Variants in BMP2K observed in about 807,000 individuals in gnomAD.
BMP2K encodes the protein BMP-2-inducible protein kinase.
A neutral mutation model predicts 116.0 loss-of-function variants in BMP2K; 74 were observed. That is an observed-to-expected ratio of 0.64 (90% CI 0.53 to 0.77). The LOEUF (loss-of-function observed/expected upper bound fraction) is 0.77, where lower values mean the gene tolerates loss of function less well. BMP2K is among the 30% of genes least tolerant of loss of function. The pLI, the probability that BMP2K is intolerant of heterozygous loss-of-function variation, is 0.00. For synonymous variants in BMP2K, 486 were observed against 502.5 expected (o/e 0.97, Z 0.44); for missense variants, 1,365 against 1,403.6 (o/e 0.97, Z 0.44).
intron 15 of BMP2K, among the ~76,000 whole-genome samples, chr4:78,894,083 A>T (rs536565690): frequency 6.6e-6 from 1 of 152,350 alleles, no homozygotes; most frequent in South Asian, 2.1e-4. Context: ...ACTATGCTGG[A>T]AACAGATGTG....
intron 12 of BMP2K, 75 bp from the exon 13 acceptor site, chr4:78,872,539 A>G (rs1003793738): frequency 4.0e-5 from 54 of 1,349,724 alleles, no homozygotes; most frequent in African/African-American, 5.8e-5. Flanking sequence ...AGGAAGGAAC[A>G]TAGTAAATAG....
rs146197646 is a variant in BMP2K at position 78,830,051 on chromosome 4, A to G, written c.298-3531A>G. 9.0e-3 allele frequency among the ~76,000 whole-genome samples: 1,357 copies of G among 151,516 alleles called. 27 individuals carry two copies. The highest frequency in any genetic ancestry group is 0.031 in the African/African-American group (1,272 of 41,266). The stretch of plus-strand genomic sequence containing the variant: ...CACCATACCTGGCTAATTTTTTTGT[A>G]TTTTTAGTAGAGTCGGGGTTTCACC... On this transcript the variant is annotated intron_variant, in intron 2 of 15. Transcript: ENST00000502613.
intron 10 of BMP2K, among the ~76,000 whole-genome samples, chr4:78,867,204 A>C (rs1041742106): frequency 1.3e-5 from 2 of 152,054 alleles, no homozygotes; most frequent in African/African-American, 4.8e-5. Flanking sequence ...AAAAAAAGCA[A>C]GAGGTGTTAT....
chr4:78,816,825 G>T (rs1016079685), intron 1 of BMP2K, among the ~76,000 whole-genome samples: 1 of 152,156 alleles, frequency 6.6e-6, no homozygotes, highest in Non-Finnish European at 1.5e-5. Context: ...ATTATTCATC[G>T]TGTATTTACT....
At chr4:78,799,079 CAG>C (rs1185074875) in intron 1 of BMP2K, among the ~76,000 whole-genome samples, 2 of 152,152 alleles carry the variant, frequency 1.3e-5, no homozygotes, top group East Asian at 1.9e-4. Context: ...TCTGAAAAGA[CAG>C]GGCAACAGTG....
At chr4:78,816,641 G>A (rs1729364917) in intron 1 of BMP2K, among the ~76,000 whole-genome samples, 1 of 152,188 alleles carries the variant, frequency 6.6e-6, no homozygotes, top group Non-Finnish European at 1.5e-5. Context: ...CCTGAGAGAT[G>A]TTCACTAAGT....
intron 14 of BMP2K, among the ~76,000 whole-genome samples, chr4:78,880,322 T>C (rs1013416358): frequency 6.6e-6 from 1 of 152,216 alleles, no homozygotes; most frequent in African/African-American, 2.4e-5. Context: ...TCCACCCACC[T>C]CGGCCTCCCA....
At chr4:78,879,044 C>G (rs778968716) in intron 14 of BMP2K, 153 bp downstream of exon 14, 67 of 1,422,004 alleles carry the variant, frequency 4.7e-5, no homozygotes, top group Non-Finnish European at 5.8e-5. Context: ...CATATACTAT[C>G]AAATTATGTT....
At chr4:78,781,424 AT>A (rs139447702) in intron 1 of BMP2K, among the ~76,000 whole-genome samples, 1,638 of 140,068 alleles carry the variant, frequency 0.012, 12 homozygotes, top group African/African-American at 0.027. Context: ...GAAGGAACAG[AT>A]TTTTTTTTTT....
intron 2 of BMP2K, among the ~76,000 whole-genome samples, chr4:78,827,966 A>T (rs1162524639): frequency 6.6e-6 from 1 of 152,180 alleles, no homozygotes; most frequent in African/African-American, 2.4e-5. Context: ...GTCCAGTAGA[A>T]TCCAGCAGCA....
intron 9 of BMP2K, among the ~76,000 whole-genome samples, chr4:78,865,097 G>GT (rs1257355530): frequency 6.6e-6 from 1 of 152,104 alleles, no homozygotes; most frequent in Non-Finnish European, 1.5e-5. Context: ...GGCTTATTTT[G>GT]TTTAACGTGC....
At chr4:78,807,628 A>G (rs1407562661) in intron 1 of BMP2K, among the ~76,000 whole-genome samples, 4 of 150,312 alleles carry the variant, frequency 2.7e-5, no homozygotes, top group Non-Finnish European at 4.4e-5. Flanking sequence ...TAAATGTTCT[A>G]TTTCTTTTAT....
At chr4:78,842,245 G>C in intron 3 of BMP2K, 140 bp from the exon 4 acceptor site, 1 of 596,036 alleles carries the variant, frequency 1.7e-6, no homozygotes, top group Non-Finnish European at 2.8e-6. Flanking sequence ...AATACAGTAT[G>C]ATGTAATAAG....
At chr4:78,836,428 A>G (rs1434535969) in intron 3 of BMP2K, among the ~76,000 whole-genome samples, 3 of 151,590 alleles carry the variant, frequency 2.0e-5, no homozygotes, top group Non-Finnish European at 4.4e-5. Flanking sequence ...AAAAAAAAAA[A>G]GAAGTAAAAA....
rs748736848 is a variant in BMP2K at position 78,842,475 on chromosome 4, C to T, written c.494C>T (p.Ala165Val). 2 of 1,608,174 alleles carry T rather than the reference C, an allele frequency of 1.2e-6. No individual in the cohort carries two copies. Among genetic ancestry groups the T allele is most frequent in the Non-Finnish European group, 1.7e-6 (2 of 1,175,794 alleles). ...VLQIFCDTCE[A>V]VARLHQCKTP... Reference sequence around the variant, plus strand: ...CAGATATTCTGTGATACCTGTGAAGCTGTTGCAAGGTTGCATCAGTGTAAG... The same window carrying T: ...CAGATATTCTGTGATACCTGTGAAGTTGTTGCAAGGTTGCATCAGTGTAAG... Residue 165 changes from alanine (A) to valine (V), a missense_variant, in exon 4 of 16, where the codon GCT (alanine) becomes GTT (valine). Ala to Val is a moderately conservative substitution (Grantham distance 64, BLOSUM62 0). This residue lies in a region of BMP2K where 762 missense variants were observed against 756.7 expected (regional missense o/e 1.01). Transcript: ENST00000502613.
intron 1 of BMP2K, chr4:78,820,908 T>G (rs1729587485): frequency 6.5e-6 from 1 of 152,998 alleles, no homozygotes; most frequent in African/African-American, 2.4e-5. Context: ...TTTTATCCTC[T>G]GAAAAAAATT....
intron 10 of BMP2K, among the ~76,000 whole-genome samples, chr4:78,867,443 G>T (rs1472561869): frequency 6.6e-6 from 1 of 152,084 alleles, no homozygotes; most frequent in South Asian, 2.1e-4. Flanking sequence ...AGCTGTGATT[G>T]CCAGGCCTAA....
intron 10 of BMP2K, among the ~76,000 whole-genome samples, chr4:78,870,566 T>C (rs1732278875): frequency 6.6e-6 from 1 of 152,208 alleles, no homozygotes; most frequent in Non-Finnish European, 1.5e-5. Flanking sequence ...GTTTCTAAGA[T>C]GTTGACTTGT....
At chr4:78,818,583 T>TAA (rs1383638085) in intron 1 of BMP2K, among the ~76,000 whole-genome samples, 1 of 152,240 alleles carries the variant, frequency 6.6e-6, no homozygotes, top group African/African-American at 2.4e-5. Flanking sequence ...AAGTGTTTTA[T>TAA]AAGCTGATTT....
Sources: allele counts gnomAD v4.1 joint callset (sites outside exome capture counted in the v4.1 genomes callset), GRCh38; gene constraint gnomAD v4.1.1; regional missense constraint gnomAD v4.1.1; transcripts MANE v1.5; gene names NCBI Gene and HGNC (gene_info 2026-07-23, HGNC 2026-07-21).